GPC5: variants seen among roughly 807,000 people sequenced by gnomAD.
GPC5 encodes the protein glypican-5.
GPC5 carries 47 observed loss-of-function variants against 53.9 expected under a neutral mutation model. That is an observed-to-expected ratio of 0.87 (90% CI 0.69 to 1.11). The LOEUF (loss-of-function observed/expected upper bound fraction) is 1.11. Among genes scored for constraint, GPC5 ranks in the 50% most tolerant of loss-of-function variants. The pLI, the probability that GPC5 is intolerant of heterozygous loss-of-function variation, is 0.00. For synonymous variants in GPC5, 286 were observed against 263.3 expected, an observed-to-expected ratio of 1.09 and a Z score of -0.84; for missense variants, 748 against 713.1, an observed-to-expected ratio of 1.05 and a Z score of -0.56.
At chr13:92,635,913 A>G (rs1885391988) in intron 7 of GPC5, among the ~76,000 whole-genome samples, 2 of 152,228 alleles carry the variant, frequency 1.3e-5, no homozygotes, top group South Asian at 4.1e-4. Context: ...AAAGGAGATA[A>G]TGGTAAATTT....
intron 6 of GPC5, among the ~76,000 whole-genome samples, chr13:92,052,556 T>C (rs2041039242): frequency 6.6e-6 from 1 of 152,192 alleles, no homozygotes; most frequent in South Asian, 2.1e-4. Flanking sequence ...AGAGTGTTGA[T>C]TGGTTCATTT....
At chr13:92,720,150 G>A (rs1482597446) in intron 7 of GPC5, among the ~76,000 whole-genome samples, 1 of 152,066 alleles carries the variant, frequency 6.6e-6, no homozygotes, top group Non-Finnish European at 1.5e-5. Flanking sequence ...AAAATAGGGT[G>A]GGCAATGAAA....
intron 7 of GPC5, among the ~76,000 whole-genome samples, chr13:92,657,051 G>A (rs1436709515): frequency 6.6e-6 from 1 of 152,124 alleles, no homozygotes; most frequent in African/African-American, 2.4e-5. Context: ...AATAATTTTA[G>A]GTAATTGTAA....
At position 91,855,310 on chromosome 13, in the gene GPC5, A is replaced by G. The variant is rs188697106; in HGVS notation, c.1281-52627A>G. 1.1e-3 allele frequency among the ~76,000 whole-genome samples: 163 copies of G among 151,826 alleles called. 2 individuals are homozygous for G. Among genetic ancestry groups the G allele is most frequent in the African/African-American group, 3.8e-3 (159 of 41,526 alleles). On this transcript the variant is annotated intron_variant, in intron 5 of 7. Transcript: ENST00000377067. Reference sequence around the variant, plus strand: ...CTTTTCAGCTCTTGAGAGAATAGTCATATCTAAGCAACGAAATTTTGTTTA... The same window carrying G: ...CTTTTCAGCTCTTGAGAGAATAGTCGTATCTAAGCAACGAAATTTTGTTTA...
At chr13:92,672,976 AC>A (rs749508119) in intron 7 of GPC5, among the ~76,000 whole-genome samples, 3 of 152,054 alleles carry the variant, frequency 2.0e-5, no homozygotes, top group African/African-American at 4.8e-5. Flanking sequence ...TGTACCACAA[AC>A]CCCCATGACA....
At chr13:91,464,312 T>C (rs1415254769) in intron 2 of GPC5, among the ~76,000 whole-genome samples, 1 of 152,146 alleles carries the variant, frequency 6.6e-6, no homozygotes, top group African/African-American at 2.4e-5. Context: ...GGAAAACAGT[T>C]GGCAGTTTCT....
At chr13:92,756,282 C>T (rs1221879760) in intron 7 of GPC5, among the ~76,000 whole-genome samples, 1 of 151,826 alleles carries the variant, frequency 6.6e-6, no homozygotes. Context: ...ATTCAACAAC[C>T]CTTCATGCTA....
At chr13:92,847,917 T>C (rs1312728419) in intron 7 of GPC5, among the ~76,000 whole-genome samples, 2 of 152,206 alleles carry the variant, frequency 1.3e-5, no homozygotes. Flanking sequence ...TATTTGATAA[T>C]AGAGATGATT....
chr13:92,828,699 A>G (rs1877937175), intron 7 of GPC5, among the ~76,000 whole-genome samples: 1 of 152,112 alleles, frequency 6.6e-6, no homozygotes, highest in Admixed American at 6.6e-5. Context: ...CACTATGAGG[A>G]GGATCACAGG....
chr13:92,774,913 C>T (rs1233411823), intron 7 of GPC5, among the ~76,000 whole-genome samples: 3 of 152,072 alleles, frequency 2.0e-5, no homozygotes, highest in African/African-American at 7.2e-5. Flanking sequence ...TTAAAGTTGT[C>T]TCCTGTCCAA....
intron 6 of GPC5, among the ~76,000 whole-genome samples, chr13:91,981,514 C>T (rs1048256792): frequency 6.6e-6 from 1 of 152,174 alleles, no homozygotes; most frequent in Non-Finnish European, 1.5e-5. Context: ...TGGTCTCGAT[C>T]TCCTGACCTC....
At chr13:92,028,195 C>G (rs1319813289) in intron 6 of GPC5, among the ~76,000 whole-genome samples, 4 of 151,992 alleles carry the variant, frequency 2.6e-5, no homozygotes, top group Admixed American at 2.6e-4. Context: ...TACCTGCTTG[C>G]ACGGGAGGGG....
At chr13:92,748,415 C>A (rs1191558245) in intron 7 of GPC5, among the ~76,000 whole-genome samples, 6 of 151,350 alleles carry the variant, frequency 4.0e-5, no homozygotes, top group African/African-American at 1.5e-4. Flanking sequence ...CTCACTGCAA[C>A]CTCTGCCTCC....
At chr13:91,983,943 T>A (rs893731629) in intron 6 of GPC5, among the ~76,000 whole-genome samples, 1 of 152,228 alleles carries the variant, frequency 6.6e-6, no homozygotes, top group African/African-American at 2.4e-5. Flanking sequence ...ATAAATTTCA[T>A]AAACATTCAG....
intron 7 of GPC5, among the ~76,000 whole-genome samples, chr13:92,269,706 C>A (rs759448007): frequency 2.0e-5 from 3 of 152,068 alleles, no homozygotes; most frequent in Non-Finnish European, 2.9e-5. Flanking sequence ...ACACCTGGCC[C>A]GAAGGGATCC....
chr13:91,605,269 T>C (rs1394957655), intron 2 of GPC5, among the ~76,000 whole-genome samples: 5 of 147,616 alleles, frequency 3.4e-5, no homozygotes, highest in Admixed American at 1.4e-4. Context: ...GTTGTAGAGA[T>C]GCGGCGTTAT....
Position 91,666,467 on chromosome 13 carries a change from T to C in GPC5, c.326-26720T>C, listed in dbSNP as rs188256548. 1.2e-3 allele frequency among the ~76,000 whole-genome samples: 183 copies of C among 152,314 alleles called. 2 individuals carry two copies. The highest frequency in any genetic ancestry group is 2.1e-3 in the Non-Finnish European group (140 of 68,020). ...AGTATCTAGGAAGGTTAGCCCCTTT[T>C]AGCATTTGTCTTTTGAGGGAATATT... On this transcript the variant is annotated intron_variant, in intron 2 of 7. Coordinates refer to ENST00000377067, the MANE Select transcript of GPC5 (RefSeq NM_004466.6).
chr13:92,177,153 C>G (rs1593964342), intron 7 of GPC5, among the ~76,000 whole-genome samples: 1 of 152,204 alleles, frequency 6.6e-6, no homozygotes, highest in East Asian at 1.9e-4. Context: ...TTACAGACCC[C>G]TGGCTTCTGA....
chr13:91,956,595 T>G (rs2040075915), intron 6 of GPC5, among the ~76,000 whole-genome samples: 1 of 152,086 alleles, frequency 6.6e-6, no homozygotes, highest in South Asian at 2.1e-4. Flanking sequence ...GCCCACTGTT[T>G]CCACCACTGG....
Sources: gnomAD v4.1 joint callset for allele counts (sites outside exome capture counted in the v4.1 genomes callset) on GRCh38, gnomAD v4.1.1 for gene constraint, MANE v1.5 for transcripts, NCBI Gene and HGNC (gene_info 2026-07-23, HGNC 2026-07-21) for gene names.